EML6: variants seen among roughly 807,000 people sequenced by gnomAD.
EML6 encodes the protein EMAP like 6.
Under a neutral mutation model 240.1 loss-of-function variants are expected in EML6, and 154 were observed. That is an observed-to-expected ratio of 0.64 (90% confidence interval 0.56 to 0.73). The LOEUF (loss-of-function observed/expected upper bound fraction) is 0.73. Among genes scored for constraint, EML6 ranks in the 30% least tolerant of loss-of-function variants. EML6 has a pLI of 0.00. For synonymous variants in EML6, 1,148 were observed against 899.0 expected (o/e 1.28, Z -4.95); for missense variants, 2,964 against 2,474.6 (o/e 1.20, Z -4.20).
intron 2 of EML6, among the ~76,000 whole-genome samples, chr2:54,809,986 G>A (rs1667753151): frequency 6.6e-6 from 1 of 152,158 alleles, no homozygotes; most frequent in Admixed American, 6.5e-5. Flanking sequence ...AATAAAGGTG[G>A]TTCTCTGTTC....
chr2:54,847,365 G>A (rs1669821995), intron 8 of EML6, 121 bp from the exon 9 acceptor site: 4 of 1,019,946 alleles, frequency 3.9e-6, no homozygotes, highest in Admixed American at 2.5e-5. Flanking sequence ...GGGCTCTGGT[G>A]TGAAGTTCCT....
In EML6 at chr2:54,845,324, C is replaced by T. The variant is rs373610229; in HGVS notation, c.1049+1076C>T. Among the ~76,000 whole-genome samples, 3 of 152,174 alleles carry T rather than the reference C, an allele frequency of 2.0e-5. No individual in the cohort carries two copies. The East Asian group carries it at 5.8e-4, about 29-fold the overall frequency. ...TTTTTGTTTTTGTCTTTCTGTTACTCTTGAATTTTCCCGCTTATTCAGACA... is the reference window on the plus strand; with the variant it reads ...TTTTTGTTTTTGTCTTTCTGTTACTTTTGAATTTTCCCGCTTATTCAGACA... On this transcript the variant is annotated intron_variant, in intron 8 of 41. Coordinates refer to ENST00000356458, the MANE Select transcript of EML6 (RefSeq NM_001039753.4).
intron 28 of EML6, among the ~76,000 whole-genome samples, chr2:54,930,800 G>GT (rs1674814712): frequency 6.6e-6 from 1 of 152,092 alleles, no homozygotes; most frequent in Non-Finnish European, 1.5e-5. Flanking sequence ...GGCCCTGCCA[G>GT]GTAGGGTCAG....
At chr2:54,858,313 T>A (rs1422341384) in intron 11 of EML6, among the ~76,000 whole-genome samples, 1 of 152,222 alleles carries the variant, frequency 6.6e-6, no homozygotes, top group African/African-American at 2.4e-5. Context: ...CAGCTTCACT[T>A]TTGCCATATT....
chr2:54,858,008 C>G (rs573710944), intron 11 of EML6, among the ~76,000 whole-genome samples: 58 of 152,216 alleles, frequency 3.8e-4, no homozygotes, highest in Non-Finnish European at 5.9e-4. Flanking sequence ...TGTAAATGCA[C>G]AAACATTTAT....
chr2:54,820,255 C>G, intron 4 of EML6, 139 bp from the exon 5 acceptor site: 1 of 595,732 alleles, frequency 1.7e-6, no homozygotes, highest in Non-Finnish European at 3.0e-6. Flanking sequence ...TCATTCCAAG[C>G]CAAATCTTCC....
intron 5 of EML6, among the ~76,000 whole-genome samples, chr2:54,827,196 C>A (rs1668638541): frequency 1.3e-5 from 2 of 152,138 alleles, no homozygotes; most frequent in Non-Finnish European, 2.9e-5. Context: ...TGTTTCTAAA[C>A]CTTTCTACAA....
chr2:54,943,243 C>T (rs1675520467), intron 28 of EML6, among the ~76,000 whole-genome samples: 1 of 152,214 alleles, frequency 6.6e-6, no homozygotes, highest in South Asian at 2.1e-4. Flanking sequence ...AGCCATTCAC[C>T]TTCTTCCCTC....
At chr2:54,793,353 G>T (rs183928377) in intron 2 of EML6, among the ~76,000 whole-genome samples, 7 of 144,176 alleles carry the variant, frequency 4.9e-5, no homozygotes, top group African/African-American at 1.8e-4. Context: ...TTATTTTCCT[G>T]AAGAAGTATA....
At chr2:54,771,379 C>T (rs9973793) in intron 2 of EML6, among the ~76,000 whole-genome samples, 24,290 of 152,178 alleles carry the variant, frequency 0.16, 2,171 homozygotes, top group Admixed American at 0.25. Context: ...CATACAAGAG[C>T]GGATACATTA....
At chr2:54,772,554 GCTAC>G (rs1209445622) in intron 2 of EML6, among the ~76,000 whole-genome samples, 4 of 152,154 alleles carry the variant, frequency 2.6e-5, no homozygotes, top group Non-Finnish European at 5.9e-5. Flanking sequence ...CTAAACTGAG[GCTAC>G]CTTTTTGTTT....
chr2:54,891,239 C>G, intron 18 of EML6, 85 bp downstream of exon 18: 2 of 621,582 alleles, frequency 3.2e-6, no homozygotes, highest in East Asian at 5.6e-5. Context: ...TTGCTACTAC[C>G]TCGCTTGTCT....
At chr2:54,938,950 G>T (rs1675288734) in intron 28 of EML6, among the ~76,000 whole-genome samples, 1 of 152,168 alleles carries the variant, frequency 6.6e-6, no homozygotes, top group African/African-American at 2.4e-5. Flanking sequence ...CCTGATCAGG[G>T]TTACACGTAA....
At position 54,816,860 on chromosome 2, in the gene EML6, C is replaced by T. The variant is rs1374808851; in HGVS notation, c.431C>T (p.Ala144Val). The T allele has an allele frequency of 6.4e-6, 10 of 1,551,152 alleles. No individual in the cohort carries two copies. Among genetic ancestry groups the T allele is most frequent in the East Asian group, 2.4e-5 (1 of 40,932 alleles). Residue 144 changes from alanine (A) to valine (V), a missense_variant, in exon 4 of 42, where the codon GCG becomes GTG. Physicochemically the swap from Ala to Val is moderately conservative, Grantham distance 64. Transcript: ENST00000356458. ...IWDWRKGKLLASATGHSDRIF... is the reference protein window; with the variant it reads ...IWDWRKGKLLVSATGHSDRIF... ...GACTGGAGGAAGGGAAAACTTCTGG[C>T]GTCAGCCACCGGCCATTCTGACAGG...
intron 2 of EML6, among the ~76,000 whole-genome samples, chr2:54,799,003 C>G (rs560718032): frequency 6.6e-6 from 1 of 152,096 alleles, no homozygotes; most frequent in East Asian, 1.9e-4. Flanking sequence ...TTTTGTTAAC[C>G]AGCAAATCTA....
chr2:54,940,355 GA>G (rs1306647565), intron 28 of EML6, among the ~76,000 whole-genome samples: 1 of 152,142 alleles, frequency 6.6e-6, no homozygotes, highest in Non-Finnish European at 1.5e-5. Context: ...TGGGGTTTCA[GA>G]GATTTTTTTT....
chr2:54,929,161 C>T (rs1417907732), intron 28 of EML6, among the ~76,000 whole-genome samples: 2 of 152,216 alleles, frequency 1.3e-5, no homozygotes, highest in Non-Finnish European at 2.9e-5. Flanking sequence ...GAAAAACCAT[C>T]TTCCATTCTA....
intron 7 of EML6, among the ~76,000 whole-genome samples, chr2:54,832,769 C>T (rs1396434424): frequency 1.3e-5 from 2 of 151,596 alleles, no homozygotes; most frequent in Non-Finnish European, 2.9e-5. Context: ...TCATCCCTTC[C>T]CTCAAAGAAG....
intron 2 of EML6, among the ~76,000 whole-genome samples, chr2:54,806,774 A>T (rs1056756049): frequency 1.3e-5 from 2 of 152,102 alleles, no homozygotes; most frequent in Non-Finnish European, 2.9e-5. Flanking sequence ...TTTAGGATTT[A>T]TTAAGTACTC....
Sources: allele counts gnomAD v4.1 joint callset (sites outside exome capture counted in the v4.1 genomes callset), GRCh38; gene constraint gnomAD v4.1.1; transcripts MANE v1.5; gene names NCBI Gene and HGNC (gene_info 2026-07-23, HGNC 2026-07-21).